Variants in FAM222A observed in about 807,000 individuals in gnomAD.
FAM222A encodes the protein family with sequence similarity 222 member A.
A neutral mutation model predicts 25.8 loss-of-function variants in FAM222A; 7 were observed. That is an observed-to-expected ratio of 0.27 (90% CI 0.15 to 0.51). The LOEUF is 0.51. FAM222A is among the 20% of genes least tolerant of loss of function. The pLI is 0.97. For missense variants in FAM222A, 573 were observed against 640.5 expected (o/e 0.89, Z 1.14); for synonymous variants, 294 against 298.8 (o/e 0.98, Z 0.17).
intron 1 of FAM222A, among the ~76,000 whole-genome samples, chr12:109,732,200 C>CTGAG (rs1887961246): frequency 6.6e-6 from 1 of 152,246 alleles, no homozygotes; most frequent in South Asian, 2.1e-4. Flanking sequence ...TTCTGAGGCT[C>CTGAG]TGAGTGCAGA....
chr12:109,740,380 C>G (rs774764154), intron 1 of FAM222A, among the ~76,000 whole-genome samples: 14 of 152,182 alleles, frequency 9.2e-5, no homozygotes, highest in Admixed American at 5.9e-4. Context: ...CCCTGCCCCC[C>G]CTTTTTTTAT....
At chr12:109,758,013 C>G (rs1284752891) in intron 2 of FAM222A, among the ~76,000 whole-genome samples, 1 of 152,136 alleles carries the variant, frequency 6.6e-6, no homozygotes, top group Admixed American at 6.5e-5. Context: ...CACATGGGAG[C>G]GTCAAGAAAG....
intron 1 of FAM222A, among the ~76,000 whole-genome samples, chr12:109,736,442 C>T (rs928705606): frequency 3.3e-5 from 5 of 152,210 alleles, no homozygotes; most frequent in Non-Finnish European, 5.9e-5. Flanking sequence ...TTTGCCTAAG[C>T]TCACAGAGTT....
At chr12:109,735,345 G>A (rs779229129) in intron 1 of FAM222A, among the ~76,000 whole-genome samples, 10 of 152,288 alleles carry the variant, frequency 6.6e-5, no homozygotes, top group South Asian at 4.1e-4. Context: ...CTGTTTCCTC[G>A]TGGGTACAAC....
chr12:109,755,287 C>CTTTTTTTTTTTTTTTTTTTTTT (rs540689300), intron 2 of FAM222A, among the ~76,000 whole-genome samples: 1 of 49,426 alleles, frequency 2.0e-5, no homozygotes, highest in Non-Finnish European at 3.4e-5. Context: ...TGTAATTCTT[C>CTTTTTTTTTTTTTTTTTTTTTT]TTTTTTTTTT....
In FAM222A at chr12:109,769,001, A is replaced by G. The variant is rs1324524565; in HGVS notation, c.1072A>G (p.Ser358Gly). Reference protein sequence around the residue: ...PWNSVLVTPTSDCYNPAAAVV... With the variant: ...PWNSVLVTPTGDCYNPAAAVV... Reference sequence around the variant, plus strand: ...GAACAGTGTGCTGGTGACACCCACCAGCGACTGCTACAACCCAGCGGCGGC... The same window carrying G: ...GAACAGTGTGCTGGTGACACCCACCGGCGACTGCTACAACCCAGCGGCGGC... The change falls in exon 3 of 3, where the codon AGC becomes GGC. Residue 358 changes from serine to glycine, a missense_variant. By Grantham distance (56) the Ser-to-Gly change is moderately conservative. Around this residue, in one of 3 missense-constraint regions of FAM222A, gnomAD observed 412 missense variants for 407.0 expected, o/e 1.01. Coordinates refer to ENST00000538780, the MANE Select transcript of FAM222A (RefSeq NM_032829.3). 6.3e-7 allele frequency: 1 copy of G among 1,576,964 alleles called. No homozygotes were observed. The highest frequency in any genetic ancestry group is 8.6e-7 in the Non-Finnish European group (1 of 1,164,442).
chr12:109,726,641 G>A (rs540159642), intron 1 of FAM222A, among the ~76,000 whole-genome samples: 1 of 152,344 alleles, frequency 6.6e-6, no homozygotes, highest in Non-Finnish European at 1.5e-5. Flanking sequence ...GCAGCAGGGG[G>A]GCTCAGGCCT....
intron 1 of FAM222A, among the ~76,000 whole-genome samples, chr12:109,716,594 A>T (rs1210780913): frequency 3.3e-5 from 5 of 152,174 alleles, no homozygotes; most frequent in Non-Finnish European, 7.3e-5. Flanking sequence ...ATTGGGGGAG[A>T]GCCGGGAGAG....
intron 1 of FAM222A, among the ~76,000 whole-genome samples, chr12:109,731,109 G>A (rs2136325258): frequency 6.6e-6 from 1 of 152,284 alleles, no homozygotes; most frequent in African/African-American, 2.4e-5. Context: ...CAGAGCCAGG[G>A]TTCAAACTGA....
At chr12:109,715,362 G>A (rs1195443200) in intron 1 of FAM222A, among the ~76,000 whole-genome samples, 1 of 152,178 alleles carries the variant, frequency 6.6e-6, no homozygotes, top group African/African-American at 2.4e-5. Context: ...TGCCCCATGG[G>A]GCTAGACCTT....
At chr12:109,756,568 G>C (rs933408154) in intron 2 of FAM222A, among the ~76,000 whole-genome samples, 1 of 152,122 alleles carries the variant, frequency 6.6e-6, no homozygotes, top group African/African-American at 2.4e-5. Context: ...TTTTTATCAT[G>C]AGGGATATTG....
Position 109,769,593 on chromosome 12 carries a change from A to C in FAM222A, c.*305A>C. On this transcript the variant is annotated 3_prime_UTR_variant, in exon 3 of 3. Transcript: ENST00000538780. ...GGCAGGGAGAGAGAAACCACTCAAA[A>C]ACAGGAATGGTTCTTTCTGGGCCTC... 5 of 401,848 alleles carry C rather than the reference A, an allele frequency of 1.2e-5. No individual in the cohort carries two copies. The highest frequency in any genetic ancestry group is 4.5e-5 in the East Asian group (1 of 22,438). 24.9% of individuals were successfully genotyped at this position (401,848 alleles called of 1,614,324 possible).
At position 109,759,534 on chromosome 12, in the gene FAM222A, G is replaced by A. The variant is rs181741196; in HGVS notation, c.83-8478G>A. On this transcript the variant is annotated intron_variant, in intron 2 of 2. Coordinates refer to ENST00000538780, the MANE Select transcript of FAM222A (RefSeq NM_032829.3). ...TGGTTTTAATTGGCTTAATATACTC[G>A]TTAATAACCGCATCTATTTAACACA... Among the ~76,000 whole-genome samples, 27 of 152,250 alleles carry A rather than the reference G, an allele frequency of 1.8e-4. 1 individual carries two copies. Among genetic ancestry groups the A allele is most frequent in the Admixed American group, 1.1e-3 (17 of 15,288 alleles).
intron 2 of FAM222A, among the ~76,000 whole-genome samples, chr12:109,762,605 A>G (rs1207173496): frequency 6.6e-6 from 1 of 152,096 alleles, no homozygotes; most frequent in Non-Finnish European, 1.5e-5. Flanking sequence ...CATTTACCAA[A>G]ACGGGACTGT....
intron 2 of FAM222A, among the ~76,000 whole-genome samples, chr12:109,761,409 C>G (rs544287604): frequency 1.3e-5 from 2 of 152,192 alleles, no homozygotes; most frequent in Non-Finnish European, 2.9e-5. Flanking sequence ...GCCCCTCCCC[C>G]CATCCTAAAT....
intron 2 of FAM222A, among the ~76,000 whole-genome samples, chr12:109,759,419 A>G (rs912399839): frequency 6.6e-6 from 1 of 151,418 alleles, no homozygotes; most frequent in Admixed American, 6.6e-5. Flanking sequence ...CACATCCCCA[A>G]CCCACTCCGC....
chr12:109,751,778 C>T (rs905225658), intron 2 of FAM222A, among the ~76,000 whole-genome samples: 1 of 152,204 alleles, frequency 6.6e-6, no homozygotes, highest in African/African-American at 2.4e-5. Context: ...AGGGCGTGCC[C>T]CTCACTTTTG....
At chr12:109,725,046 C>T (rs557180823) in intron 1 of FAM222A, among the ~76,000 whole-genome samples, 1 of 152,230 alleles carries the variant, frequency 6.6e-6, no homozygotes, top group Non-Finnish European at 1.5e-5. Flanking sequence ...TTGAGGGACT[C>T]TCCCAAGGCC....
chr12:109,737,135 G>C (rs1430034413), intron 1 of FAM222A, among the ~76,000 whole-genome samples: 1 of 152,096 alleles, frequency 6.6e-6, no homozygotes, highest in African/African-American at 2.4e-5. Flanking sequence ...TGAAGGTCGA[G>C]TTGAGTTTTA....
Sources: gnomAD v4.1 joint callset for allele counts (sites outside exome capture counted in the v4.1 genomes callset) on GRCh38, gnomAD v4.1.1 for gene constraint, gnomAD v4.1.1 regional missense constraint, MANE v1.5 for transcripts, NCBI Gene and HGNC (gene_info 2026-07-23, HGNC 2026-07-21) for gene names.